Variants in CCDC60 observed in about 807,000 individuals in gnomAD.
CCDC60 encodes the protein coiled-coil domain-containing protein 60.
A neutral mutation model predicts 63.5 loss-of-function variants in CCDC60; 54 were observed. That is an observed-to-expected ratio of 0.85 (90% CI 0.68 to 1.07). CCDC60 has a LOEUF of 1.07. CCDC60 is among the 50% of genes least tolerant of loss of function. The pLI is 0.00. For missense variants in CCDC60, 651 were observed against 684.3 expected (o/e 0.95, Z 0.54); for synonymous variants, 206 against 238.8 (o/e 0.86, Z 1.27).
At chr12:119,346,768 ATCTTTCTCTTTCTT>A (rs1169094989) in intron 1 of CCDC60, among the ~76,000 whole-genome samples, 1 of 146,480 alleles carries the variant, frequency 6.8e-6, no homozygotes, top group African/African-American at 2.6e-5. Context: ...GCTTAGACTC[ATCTTTCTCTTTCTT>A]TCTTTCTTTC....
chr12:119,350,421 C>CA (rs1955644746), intron 1 of CCDC60, among the ~76,000 whole-genome samples: 1 of 151,906 alleles, frequency 6.6e-6, no homozygotes, highest in Admixed American at 6.6e-5. Flanking sequence ...TTAGTAGAGA[C>CA]AGGGTTTTTC....
chr12:119,421,933 C>T (rs1220502248), intron 1 of CCDC60, among the ~76,000 whole-genome samples: 3 of 152,196 alleles, frequency 2.0e-5, no homozygotes, highest in Non-Finnish European at 2.9e-5. Flanking sequence ...AGAAAACCAT[C>T]CCCATCTAAG....
chr12:119,342,865 T>TC (rs140131007), intron 1 of CCDC60, among the ~76,000 whole-genome samples: 405 of 152,356 alleles, frequency 2.7e-3, no homozygotes, highest in African/African-American at 9.4e-3. Context: ...CCCATCTGTT[T>TC]CACTGTTTGG....
At chr12:119,358,342 A>G (rs1208374755) in intron 1 of CCDC60, among the ~76,000 whole-genome samples, 1 of 152,130 alleles carries the variant, frequency 6.6e-6, no homozygotes, top group African/African-American at 2.4e-5. Context: ...GATTATTGCT[A>G]TTATAAAAGG....
intron 5 of CCDC60, 103 bp downstream of exon 5, chr12:119,488,969 G>A: frequency 2.1e-6 from 2 of 949,264 alleles, no homozygotes; most frequent in Non-Finnish European, 3.4e-6. Flanking sequence ...TTTGGTAGGT[G>A]GGCTGTTTCA....
At chr12:119,409,324 C>T (rs1160393180) in intron 1 of CCDC60, among the ~76,000 whole-genome samples, 1 of 152,060 alleles carries the variant, frequency 6.6e-6, no homozygotes, top group Non-Finnish European at 1.5e-5. Flanking sequence ...GGAAGAAGGA[C>T]TGTCCTGTAT....
At chr12:119,508,511 G>A (rs151293491) in intron 7 of CCDC60, among the ~76,000 whole-genome samples, 1 of 152,238 alleles carries the variant, frequency 6.6e-6, no homozygotes, top group East Asian at 1.9e-4. Flanking sequence ...AACTAGCAAG[G>A]CAGTTGCATA....
Position 119,357,887 on chromosome 12 carries a change from G to A in CCDC60, c.90+22621G>A, listed in dbSNP as rs571608272. The stretch of plus-strand genomic sequence containing the variant: ...TAATTTGCTCATGGTTCTGCAAGCT[G>A]TGCAGGAAGCATTATGCTGGCATCT... On this transcript the variant is annotated intron_variant, in intron 1 of 13. Transcript: ENST00000327554. Among the ~76,000 whole-genome samples, 7 of 152,352 alleles carry A rather than the reference G, an allele frequency of 4.6e-5. No individual in the cohort carries two copies. The South Asian group carries it at 6.2e-4, about 14-fold the overall frequency.
chr12:119,540,995 A>T lies in CCDC60; in HGVS notation c.*280A>T. 1 of 327,672 alleles carries T rather than the reference A, an allele frequency of 3.1e-6. No homozygotes were observed. Among genetic ancestry groups the T allele is most frequent in the South Asian group, 8.8e-5 (1 of 11,408 alleles). 20.3% of individuals were successfully genotyped at this position (327,672 alleles called of 1,614,324 possible). A position where few individuals can be genotyped will look rare whatever the true frequency, so the allele number is the denominator to read the frequency against. Reference sequence around the variant, plus strand: ...ACCTACTTCCTCTTCAGATTCCTTCACCCTATTTACCTTCCTCAAGTACTG... The same window carrying T: ...ACCTACTTCCTCTTCAGATTCCTTCTCCCTATTTACCTTCCTCAAGTACTG... On this transcript the variant is annotated 3_prime_UTR_variant, in exon 14 of 14. Coordinates refer to ENST00000327554, the MANE Select transcript of CCDC60 (RefSeq NM_178499.5).
chr12:119,482,009 A>ATATATATACGTATATATAG (rs1951333594), intron 4 of CCDC60, among the ~76,000 whole-genome samples: 34 of 40,648 alleles, frequency 8.4e-4, no homozygotes, highest in Middle Eastern at 0.016. Context: ...TATATATAGT[A>ATATATATACGTATATATAG]TATATATATG....
At chr12:119,506,438 CAAAAAAAA>C (rs35584778) in intron 7 of CCDC60, among the ~76,000 whole-genome samples, 3 of 87,402 alleles carry the variant, frequency 3.4e-5, no homozygotes, top group African/African-American at 1.3e-4. Flanking sequence ...CCTCATCTCT[CAAAAAAAA>C]AAAAAAAAAA....
At chr12:119,407,076 G>T (rs1956506044) in intron 1 of CCDC60, among the ~76,000 whole-genome samples, 1 of 152,164 alleles carries the variant, frequency 6.6e-6, no homozygotes, top group African/African-American at 2.4e-5. Flanking sequence ...ACACCGAGGG[G>T]ACATCCAGGG....
chr12:119,428,629 T>C (rs1258345948), intron 1 of CCDC60, 54 bp from the exon 2 acceptor site: 24 of 1,242,502 alleles, frequency 1.9e-5, no homozygotes, highest in Non-Finnish European at 2.7e-5. Flanking sequence ...CTATCTCCAT[T>C]TGGAAGCATT....
intron 2 of CCDC60, among the ~76,000 whole-genome samples, chr12:119,438,036 G>T (rs1254942667): frequency 6.6e-6 from 1 of 152,188 alleles, no homozygotes; most frequent in Admixed American, 6.5e-5. Flanking sequence ...TGGGTAGGTT[G>T]CTGCTATGGG....
At chr12:119,454,486 C>T (rs1366323284) in intron 2 of CCDC60, among the ~76,000 whole-genome samples, 1 of 152,130 alleles carries the variant, frequency 6.6e-6, no homozygotes, top group Non-Finnish European at 1.5e-5. Flanking sequence ...TACCAGCTGC[C>T]CTGGACACGC....
At chr12:119,341,878 G>C (rs1565962558) in intron 1 of CCDC60, among the ~76,000 whole-genome samples, 2 of 152,156 alleles carry the variant, frequency 1.3e-5, no homozygotes, top group Non-Finnish European at 2.9e-5. Context: ...AGAGAAGGGG[G>C]TGCTCCTGAG....
intron 1 of CCDC60, among the ~76,000 whole-genome samples, chr12:119,341,362 G>A (rs1401643487): frequency 6.6e-6 from 1 of 152,158 alleles, no homozygotes; most frequent in Non-Finnish European, 1.5e-5. Context: ...GAGGGTGGGA[G>A]AGGAGTGAAG....
chr12:119,371,011 G>T (rs1379073704), intron 1 of CCDC60, among the ~76,000 whole-genome samples: 2 of 152,150 alleles, frequency 1.3e-5, no homozygotes, highest in Admixed American at 1.3e-4. Context: ...CAGCCTGGGT[G>T]ACAAAGTGAG....
chr12:119,528,367 A>C (rs568318991), intron 11 of CCDC60, among the ~76,000 whole-genome samples: 2 of 152,266 alleles, frequency 1.3e-5, no homozygotes, highest in South Asian at 4.1e-4. Context: ...TACAATCAGA[A>C]GTAGGAAGAG....
Sources: gnomAD v4.1 joint callset for allele counts (sites outside exome capture counted in the v4.1 genomes callset) on GRCh38, gnomAD v4.1.1 for gene constraint, MANE v1.5 for transcripts, NCBI Gene and HGNC (gene_info 2026-07-23, HGNC 2026-07-21) for gene names.